SYCP1: variants seen among roughly 807,000 people sequenced by gnomAD.
SYCP1 encodes the protein synaptonemal complex protein 1.
In SYCP1, 64 loss-of-function variants were observed where a neutral mutation model predicts 153.1. That is an observed-to-expected ratio of 0.42 (90% CI 0.34 to 0.51). The LOEUF (loss-of-function observed/expected upper bound fraction) is 0.51. SYCP1 is among the 20% of genes least tolerant of loss of function. The probability of loss-of-function intolerance (pLI) is 0.06; values close to 1 mark genes in which losing one functional copy is unlikely to be tolerated. For missense variants in SYCP1, 997 were observed against 1,049.0 expected, an observed-to-expected ratio of 0.95 and a Z score of 0.68; for synonymous variants, 384 against 341.8, an observed-to-expected ratio of 1.12 and a Z score of -1.36.
At chr1:114,892,957 C>T (rs1449049409) in intron 15 of SYCP1, among the ~76,000 whole-genome samples, 6 of 152,086 alleles carry the variant, frequency 3.9e-5, no homozygotes, top group African/African-American at 1.4e-4. Flanking sequence ...GCATAAATTC[C>T]CTCTATGGAG....
At chr1:114,960,749 G>A (rs961355106) in intron 27 of SYCP1, among the ~76,000 whole-genome samples, 1 of 152,034 alleles carries the variant, frequency 6.6e-6, no homozygotes, top group Non-Finnish European at 1.5e-5. Context: ...TGTTAGACTC[G>A]GTTAGCTAGT....
chr1:114,987,577 A>G (rs925748072), intron 30 of SYCP1, among the ~76,000 whole-genome samples: 1 of 152,050 alleles, frequency 6.6e-6, no homozygotes, highest in African/African-American at 2.4e-5. Flanking sequence ...AGGTAGAAGG[A>G]TCACTTGAGC....
At chr1:114,882,387 C>A (rs73000539) in intron 12 of SYCP1, among the ~76,000 whole-genome samples, 4,039 of 152,204 alleles carry the variant, frequency 0.027, 214 homozygotes, top group African/African-American at 0.093. Context: ...TTATTTCTCA[C>A]ACATCATGAA....
chr1:114,859,382 C>G (rs1006836277), intron 6 of SYCP1, among the ~76,000 whole-genome samples: 2 of 151,710 alleles, frequency 1.3e-5, no homozygotes, highest in Non-Finnish European at 2.9e-5. Context: ...CCACTGCTCC[C>G]GGCCGAAACT....
intron 23 of SYCP1, among the ~76,000 whole-genome samples, chr1:114,938,410 AG>A (rs1328090956): frequency 4.3e-5 from 2 of 46,726 alleles, no homozygotes; most frequent in Admixed American, 4.7e-4. Context: ...GGATGGGGGG[AG>A]GGGGGAGGGA....
At chr1:114,903,041 G>A (rs1003911554) in intron 16 of SYCP1, among the ~76,000 whole-genome samples, 1 of 152,100 alleles carries the variant, frequency 6.6e-6, no homozygotes, top group Non-Finnish European at 1.5e-5. Flanking sequence ...TTAGCTGGGC[G>A]TGGTGGCAGT....
intron 16 of SYCP1, among the ~76,000 whole-genome samples, chr1:114,909,431 T>C (rs553400145): frequency 1.7e-4 from 25 of 150,234 alleles, no homozygotes; most frequent in African/African-American, 5.9e-4. Flanking sequence ...TTATATATTG[T>C]CTCTCTCTCT....
intron 23 of SYCP1, among the ~76,000 whole-genome samples, chr1:114,937,197 A>T (rs1314181876): frequency 1.3e-5 from 2 of 152,136 alleles, no homozygotes; most frequent in Non-Finnish European, 2.9e-5. Context: ...CAAAACAGAG[A>T]TATAGACCAA....
intron 30 of SYCP1, among the ~76,000 whole-genome samples, chr1:114,994,033 T>C (rs986587066): frequency 1.3e-5 from 2 of 151,514 alleles, no homozygotes; most frequent in Non-Finnish European, 3.0e-5. Flanking sequence ...TTTATCTATG[T>C]TGTAGCATAT....
intron 16 of SYCP1, among the ~76,000 whole-genome samples, chr1:114,895,884 G>A (rs1186573419): frequency 6.6e-6 from 1 of 152,080 alleles, no homozygotes; most frequent in Non-Finnish European, 1.5e-5. Flanking sequence ...GTAAAATCAT[G>A]TTTAGTGAAG....
intron 28 of SYCP1, among the ~76,000 whole-genome samples, chr1:114,980,154 C>T (rs190876028): frequency 6.9e-4 from 105 of 151,960 alleles, no homozygotes; most frequent in Admixed American, 2.3e-3. Context: ...TCACAGCTAA[C>T]TAGCTGTGGA....
intron 27 of SYCP1, among the ~76,000 whole-genome samples, chr1:114,966,543 T>A (rs1328754593): frequency 6.6e-6 from 1 of 152,198 alleles, no homozygotes; most frequent in African/African-American, 2.4e-5. Context: ...TGGTACGTTG[T>A]GTGTTTGTTC....
chr1:114,886,427 T>A, intron 14 of SYCP1, 118 bp downstream of exon 14: 2 of 830,548 alleles, frequency 2.4e-6, no homozygotes, highest in Non-Finnish European at 3.4e-6. Flanking sequence ...ATAACAACTG[T>A]AGTCAGGTCT....
intron 27 of SYCP1, among the ~76,000 whole-genome samples, chr1:114,963,799 G>A (rs1363236073): frequency 6.6e-6 from 1 of 152,182 alleles, no homozygotes; most frequent in Non-Finnish European, 1.5e-5. Context: ...TTGGTTCCAA[G>A]TCTTTGCTAT....
intron 19 of SYCP1, 89 bp from the exon 20 acceptor site, chr1:114,913,886 T>C (rs1309069537): frequency 8.3e-6 from 8 of 967,994 alleles, no homozygotes; most frequent in East Asian, 6.0e-5. Flanking sequence ...AAATAAATTT[T>C]ATGCTGATAG....
chr1:114,901,369 G>A (rs1667436565), intron 16 of SYCP1, among the ~76,000 whole-genome samples: 1 of 152,142 alleles, frequency 6.6e-6, no homozygotes, highest in Admixed American at 6.5e-5. Context: ...TACTCCTTAA[G>A]AAAATCCTTT....
chr1:114,902,328 A>G (rs1469543173), intron 16 of SYCP1, among the ~76,000 whole-genome samples: 1 of 152,190 alleles, frequency 6.6e-6, no homozygotes, highest in African/African-American at 2.4e-5. Flanking sequence ...CCCTTTCTCA[A>G]GCCTTATGTT....
chr1:114,860,687 T>C, intron 7 of SYCP1, 49 bp from the exon 8 acceptor site: 2 of 1,233,318 alleles, frequency 1.6e-6, no homozygotes, highest in Non-Finnish European at 2.3e-6. Flanking sequence ...TATTGTGATT[T>C]TGCTTTGAGA....
At chr1:114,947,876 T>C (rs2101833673) in intron 27 of SYCP1, among the ~76,000 whole-genome samples, 2 of 149,764 alleles carry the variant, frequency 1.3e-5, no homozygotes, top group East Asian at 3.9e-4. Flanking sequence ...CAAATACTGT[T>C]AACATTTTTA....
Sources: gnomAD v4.1 joint callset for allele counts (sites outside exome capture counted in the v4.1 genomes callset) on GRCh38, gnomAD v4.1.1 for gene constraint, MANE v1.5 for transcripts, NCBI Gene and HGNC (gene_info 2026-07-23, HGNC 2026-07-21) for gene names.